CAPZB: variants seen among roughly 807,000 people sequenced by gnomAD.
CAPZB encodes the protein F-actin-capping protein subunit beta.
CAPZB carries 2 observed loss-of-function variants against 38.1 expected under a neutral mutation model. That is an observed-to-expected ratio of 0.05 (90% confidence interval 0.02 to 0.17). The LOEUF is 0.17. Ranked by LOEUF, CAPZB falls within the 10% of genes least tolerant of loss-of-function variation. The pLI is 1.00. For synonymous variants in CAPZB, 107 were observed against 127.4 expected (o/e 0.84, Z 1.08); for missense variants, 161 against 334.2 (o/e 0.48, Z 4.04).
intron 1 of CAPZB, 32 bp downstream of exon 1, chr1:19,485,404 C>T (rs2094647949): frequency 8.1e-7 from 1 of 1,227,090 alleles, no homozygotes; most frequent in Non-Finnish European, 1.0e-6. Context: ...GGAGGGGCCC[C>T]CGGGCCGGGG....
intron 1 of CAPZB, among the ~76,000 whole-genome samples, chr1:19,482,714 C>T (rs2094634034): frequency 6.6e-6 from 1 of 152,204 alleles, no homozygotes; most frequent in African/African-American, 2.4e-5. Flanking sequence ...TCTCAAGTCA[C>T]TATTTCCCTC....
chr1:19,460,977 A>C (rs2094549591), intron 1 of CAPZB, among the ~76,000 whole-genome samples: 1 of 151,782 alleles, frequency 6.6e-6, no homozygotes, highest in African/African-American at 2.4e-5. Context: ...CCAACCCAGG[A>C]GCTGAGCTAC....
chr1:19,476,081 T>C (rs1225037699), intron 1 of CAPZB, among the ~76,000 whole-genome samples: 1 of 152,136 alleles, frequency 6.6e-6, no homozygotes, highest in Non-Finnish European at 1.5e-5. Flanking sequence ...CTCAGCATTT[T>C]AGAAGGTCAA....
intron 2 of CAPZB, 99 bp downstream of exon 2, chr1:19,419,562 A>G: frequency 1.4e-6 from 1 of 708,632 alleles, no homozygotes. Context: ...GGGAGAGAAA[A>G]GGTTTCCTGT....
At chr1:19,380,048 A>C (rs1031884327) in intron 3 of CAPZB, among the ~76,000 whole-genome samples, 3 of 152,198 alleles carry the variant, frequency 2.0e-5, no homozygotes, top group Non-Finnish European at 4.4e-5. Flanking sequence ...CCCCAGTTTT[A>C]AAGAATTCTG....
chr1:19,370,019 C>T (rs893624020), intron 4 of CAPZB, among the ~76,000 whole-genome samples: 1 of 152,192 alleles, frequency 6.6e-6, no homozygotes, highest in East Asian at 1.9e-4. Flanking sequence ...ACACTACTTC[C>T]GAGGAACTTC....
At chr1:19,432,302 C>A (rs151112145) in intron 1 of CAPZB, among the ~76,000 whole-genome samples, 1 of 150,160 alleles carries the variant, frequency 6.7e-6, no homozygotes, top group South Asian at 2.1e-4. Context: ...ATTAGCCAGG[C>A]GTGGTGGTGT....
At chr1:19,463,627 T>C (rs1027079898) in intron 1 of CAPZB, among the ~76,000 whole-genome samples, 3 of 152,140 alleles carry the variant, frequency 2.0e-5, no homozygotes. Flanking sequence ...GTGGCCACCA[T>C]GCCCACCTCC....
chr1:19,378,629 G>A lies in CAPZB; in HGVS notation c.240C>T (p.Asp80=). 6 of 1,607,292 alleles carry A rather than the reference G, an allele frequency of 3.7e-6. No individual in the cohort carries two copies. Among genetic ancestry groups the A allele is most frequent in the Non-Finnish European group, 5.1e-6 (6 of 1,173,824 alleles). Residue 80 remains aspartate (D), a synonymous_variant, in exon 4 of 9, where the codon GAC becomes GAT. Transcript: ENST00000264202. The part of the protein sequence containing the change: ...SYRSPWSNKY[D]PPLEDGAMPS... Reference sequence around the variant, plus strand: ...GCATGGCCCCATCCTCCAAGGGAGGGTCATACTTGTTACTCCATGGTGACC... The same window carrying A: ...GCATGGCCCCATCCTCCAAGGGAGGATCATACTTGTTACTCCATGGTGACC...
chr1:19,383,103 GCCC>G (rs1354760047), intron 3 of CAPZB, among the ~76,000 whole-genome samples: 2 of 118,854 alleles, frequency 1.7e-5, no homozygotes, highest in African/African-American at 3.3e-5. Flanking sequence ...ACAAAATGAG[GCCC>G]CCATCTCTAC....
At chr1:19,472,536 C>A (rs1280382901) in intron 1 of CAPZB, among the ~76,000 whole-genome samples, 2 of 151,982 alleles carry the variant, frequency 1.3e-5, no homozygotes, top group African/African-American at 4.8e-5. Flanking sequence ...ATTCCAGAGT[C>A]TGCCTGGATG....
At chr1:19,478,743 A>G (rs895762509) in intron 1 of CAPZB, among the ~76,000 whole-genome samples, 1 of 152,212 alleles carries the variant, frequency 6.6e-6, no homozygotes, top group Non-Finnish European at 1.5e-5. Context: ...GGTCTACCTG[A>G]CTGCTCAGTA....
Position 19,419,554 on chromosome 1 carries a change from G to A in CAPZB, c.93+107C>T, listed in dbSNP as rs192530788. The A allele has an allele frequency of 1.8e-5, 12 of 683,744 alleles. No homozygotes were observed. The East Asian group carries it at 3.0e-4, about 17-fold the overall frequency. The allele number at this position is 683,744 out of a possible 1,614,324, so 42.4% of individuals were successfully genotyped here. A position where few individuals can be genotyped will look rare whatever the true frequency, so the allele number is the denominator to read the frequency against. ...TAGTCCAGTGGCATGGTCTGCCAGG[G>A]AGAGAAAAGGTTTCCTGTGTTGTGA... On this transcript the variant is annotated intron_variant, in intron 2 of 8. Coordinates refer to ENST00000264202, the MANE Select transcript of CAPZB (RefSeq NM_004930.5).
chr1:19,431,237 C>T (rs1299495407), intron 1 of CAPZB, among the ~76,000 whole-genome samples: 3 of 152,184 alleles, frequency 2.0e-5, no homozygotes, highest in Admixed American at 1.3e-4. Flanking sequence ...AGACATGAGG[C>T]TCCAACGAGC....
chr1:19,389,214 C>T (rs966912499), intron 2 of CAPZB, among the ~76,000 whole-genome samples: 1 of 152,114 alleles, frequency 6.6e-6, no homozygotes, highest in Non-Finnish European at 1.5e-5. Context: ...CGTCTCATAC[C>T]CACGCCGTCC....
intron 1 of CAPZB, chr1:19,484,712 A>C: frequency 1.9e-6 from 2 of 1,078,120 alleles, no homozygotes. Context: ...CCCTGATGAG[A>C]GGCTCAGGGC....
intron 1 of CAPZB, among the ~76,000 whole-genome samples, chr1:19,444,161 G>GAA (rs71008164): frequency 8.1e-5 from 12 of 148,874 alleles, no homozygotes; most frequent in African/African-American, 1.7e-4. Flanking sequence ...CCGTCTCAAG[G>GAA]AAAAAAAAAA....
At chr1:19,439,152 A>G (rs1367958082) in intron 1 of CAPZB, among the ~76,000 whole-genome samples, 1 of 152,166 alleles carries the variant, frequency 6.6e-6, no homozygotes, top group Admixed American at 6.5e-5. Context: ...GGGCTGGCCC[A>G]TCTGAGGGAC....
intron 1 of CAPZB, among the ~76,000 whole-genome samples, chr1:19,457,693 G>C (rs1031769784): frequency 3.9e-5 from 6 of 152,142 alleles, no homozygotes; most frequent in Non-Finnish European, 7.4e-5. Flanking sequence ...CTCACACTGC[G>C]GACGGTGTTA....
Sources: allele counts gnomAD v4.1 joint callset (sites outside exome capture counted in the v4.1 genomes callset), GRCh38; gene constraint gnomAD v4.1.1; transcripts MANE v1.5; gene names NCBI Gene and HGNC (gene_info 2026-07-23, HGNC 2026-07-21).